The following RERE variants were observed in gnomAD, a reference collection of about 807,000 sequenced individuals.
RERE encodes the protein arginine-glutamic acid dipeptide repeats protein.
In RERE, 40 loss-of-function variants were observed where a neutral mutation model predicts 146.1. The ratio of observed to expected loss-of-function variants is 0.27; its 90% CI spans 0.21 to 0.36. RERE has a LOEUF of 0.36. RERE is among the 10% of genes least tolerant of loss of function. The pLI, the probability that RERE is intolerant of heterozygous loss-of-function variation, is 1.00. For missense variants in RERE, 1,933 were observed against 2,138.7 expected, an observed-to-expected ratio of 0.90 and a Z score of 1.90; for synonymous variants, 1,003 against 866.0, an observed-to-expected ratio of 1.16 and a Z score of -2.78.
At chr1:8,598,755 TGTGAGATTACACTGTTC>T (rs1646585589) in intron 4 of RERE, among the ~76,000 whole-genome samples, 1 of 152,222 alleles carries the variant, frequency 6.6e-6, no homozygotes, top group Non-Finnish European at 1.5e-5. Context: ...GAAGCAGAAA[TGTGAGATTACACTGTTC>T]TTTAGCCTCA....
intron 10 of RERE, among the ~76,000 whole-genome samples, chr1:8,475,037 A>G (rs1295351014): frequency 6.6e-6 from 1 of 152,208 alleles, no homozygotes; most frequent in Admixed American, 6.5e-5. Flanking sequence ...GACTATTAAG[A>G]TAAGTGAGAA....
chr1:8,618,269 T>G (rs1180629128), intron 3 of RERE, among the ~76,000 whole-genome samples: 2 of 152,166 alleles, frequency 1.3e-5, no homozygotes, highest in East Asian at 3.8e-4. Flanking sequence ...ACAATCTACT[T>G]GGCAAGGTAG....
chr1:8,396,873 T>C (rs913363564), intron 12 of RERE, among the ~76,000 whole-genome samples: 5 of 152,118 alleles, frequency 3.3e-5, no homozygotes, highest in Non-Finnish European at 5.9e-5. Context: ...TTCTCCACAG[T>C]ATCAGTTTAT....
At chr1:8,617,342 T>TAAAAAAAAAAAAAAAA in intron 3 of RERE, among the ~76,000 whole-genome samples, 1 of 23,144 alleles carries the variant, frequency 4.3e-5, no homozygotes, top group Non-Finnish European at 9.4e-5. Flanking sequence ...AAACTCTGTC[T>TAAAAAAAAAAAAAAAA]CAAAAAAAAA....
intron 1 of RERE, among the ~76,000 whole-genome samples, chr1:8,678,527 C>T (rs976020588): frequency 1.3e-5 from 2 of 151,280 alleles, no homozygotes; most frequent in South Asian, 2.1e-4. Flanking sequence ...TGGCACGCGC[C>T]TGTAGTCCCT....
chr1:8,377,696 C>T (rs1056896661), intron 12 of RERE, among the ~76,000 whole-genome samples: 1 of 152,146 alleles, frequency 6.6e-6, no homozygotes, highest in Non-Finnish European at 1.5e-5. Flanking sequence ...CTTATTATCC[C>T]TGCACAGCAT....
At chr1:8,391,252 T>G (rs1642874674) in intron 12 of RERE, among the ~76,000 whole-genome samples, 1 of 152,222 alleles carries the variant, frequency 6.6e-6, no homozygotes, top group East Asian at 1.9e-4. Flanking sequence ...CTATGGTATT[T>G]CCAAGTTGTA....
At chr1:8,512,043 T>C (rs1473771090) in intron 7 of RERE, 4 of 122,440 alleles carry the variant, frequency 3.3e-5, no homozygotes. Context: ...TTTTTTTTTT[T>C]TGAGACGGAG....
chr1:8,489,295 G>A (rs1254117419), intron 10 of RERE, among the ~76,000 whole-genome samples: 1 of 151,670 alleles, frequency 6.6e-6, no homozygotes, highest in African/African-American at 2.4e-5. Context: ...AGGAGTTTGA[G>A]GTTACAGTGA....
At chr1:8,394,348 T>C (rs1438491804) in intron 12 of RERE, among the ~76,000 whole-genome samples, 1 of 152,206 alleles carries the variant, frequency 6.6e-6, no homozygotes, top group Non-Finnish European at 1.5e-5. Context: ...GAAATATTTC[T>C]TGCTTTTCAG....
chr1:8,433,420 A>G (rs551985265), intron 11 of RERE, among the ~76,000 whole-genome samples: 111 of 152,346 alleles, frequency 7.3e-4, no homozygotes, highest in South Asian at 2.1e-3. Flanking sequence ...CTCTCTGGAC[A>G]TGTGTCTTTG....
chr1:8,558,740 C>T (rs558934361), intron 4 of RERE, among the ~76,000 whole-genome samples: 2 of 151,764 alleles, frequency 1.3e-5, no homozygotes, highest in East Asian at 3.9e-4. Context: ...ATGACAATTG[C>T]CACAAGTTTC....
At position 8,358,679 on chromosome 1, in the gene RERE, C is replaced by T; in HGVS notation, c.3856G>A (p.Ala1286Thr). ...MPLNPTDPLL[A>T]YHMPGLYNVD... is the part of the protein sequence containing the mutation. Reference sequence around the variant, plus strand: ...TTGTAGAGGCCAGGCATGTGGTAGGCCAGCAGGGGGTCCGTGGGGTTAAGG... The same window carrying T: ...TTGTAGAGGCCAGGCATGTGGTAGGTCAGCAGGGGGTCCGTGGGGTTAAGG... Residue 1286 changes from alanine to threonine, a missense_variant, in exon 20 of 23, where the codon GCC becomes ACC. Physicochemically the swap from Ala to Thr is moderately conservative, Grantham distance 58. Around this residue, in one of 11 missense-constraint regions of RERE, gnomAD observed 1,255 missense variants for 1,153.8 expected, o/e 1.09. Transcript: ENST00000400908. 9 of 1,584,802 alleles carry T rather than the reference C, an allele frequency of 5.7e-6. No individual in the cohort carries two copies. The highest frequency in any genetic ancestry group is 1.3e-5 in the African/African-American group (1 of 74,496).
At position 8,767,898 on chromosome 1, in the gene RERE, G is replaced by A. The variant is rs910607526; in HGVS notation, c.-145+49262C>T. The stretch of plus-strand genomic sequence containing the variant: ...GGAGAATCACTTGAACCTAGGAGGC[G>A]GAGGTTGCAGGGAGCAGAGATCACA... On this transcript the variant is annotated intron_variant, in intron 1 of 22. Transcript: ENST00000400908. Among the ~76,000 whole-genome samples the A allele has an allele frequency of 4.6e-5, 7 of 152,102 alleles. No homozygotes were observed. The South Asian group carries it at 1.2e-3, about 27-fold the overall frequency.
intron 2 of RERE, among the ~76,000 whole-genome samples, chr1:8,628,471 ACAGT>A (rs1299748954): frequency 1.3e-5 from 2 of 152,232 alleles, no homozygotes; most frequent in African/African-American, 4.8e-5. Context: ...GAACTATTGT[ACAGT>A]CAAACTTTTC....
At chr1:8,444,403 A>C (rs1644291555) in intron 11 of RERE, among the ~76,000 whole-genome samples, 1 of 152,208 alleles carries the variant, frequency 6.6e-6, no homozygotes, top group African/African-American at 2.4e-5. Context: ...TTGATTTTAC[A>C]GGCTCATAGG....
chr1:8,454,143 C>T (rs992553226), intron 11 of RERE, among the ~76,000 whole-genome samples: 2 of 152,188 alleles, frequency 1.3e-5, no homozygotes, highest in African/African-American at 2.4e-5. Flanking sequence ...GCCTGCATCT[C>T]TGTAGCCTAG....
chr1:8,769,490 T>G (rs1238573000), intron 1 of RERE, among the ~76,000 whole-genome samples: 1 of 152,102 alleles, frequency 6.6e-6, no homozygotes, highest in Admixed American at 6.6e-5. Flanking sequence ...ATCATTTTGG[T>G]TTGTTTGGAG....
chr1:8,472,816 A>G (rs760361263), intron 10 of RERE, among the ~76,000 whole-genome samples: 1 of 151,580 alleles, frequency 6.6e-6, no homozygotes, highest in Non-Finnish European at 1.5e-5. Context: ...AGCAGAAAGC[A>G]CTTTCAGATT....
Sources: gnomAD v4.1 joint callset for allele counts (sites outside exome capture counted in the v4.1 genomes callset) on GRCh38, gnomAD v4.1.1 for gene constraint, gnomAD v4.1.1 regional missense constraint, MANE v1.5 for transcripts, NCBI Gene and HGNC (gene_info 2026-07-23, HGNC 2026-07-21) for gene names.